The following ZPBP variants were observed in gnomAD, a reference collection of about 807,000 sequenced individuals.
ZPBP encodes zona pellucida binding protein, also known as zona pellucida-binding protein 1.
A neutral mutation model predicts 44.8 loss-of-function variants in ZPBP; 26 were observed. That is an observed-to-expected ratio of 0.58 (90% CI 0.43 to 0.81). ZPBP has a LOEUF of 0.81. ZPBP is among the 30% of genes least tolerant of loss of function. ZPBP has a pLI of 0.00. For missense variants in ZPBP, 409 were observed against 434.0 expected (o/e 0.94, Z 0.51); for synonymous variants, 174 against 153.2 (o/e 1.14, Z -1.00).
At chr7:49,965,023 T>C (rs1442460439) in intron 7 of ZPBP, among the ~76,000 whole-genome samples, 1 of 152,044 alleles carries the variant, frequency 6.6e-6, no homozygotes, top group Non-Finnish European at 1.5e-5. Context: ...ACACCAAGAA[T>C]GACAGGCTGA....
chr7:49,919,532 A>T (rs1442282954), intron 1 of ZPBP: 2 of 152,202 alleles, frequency 1.3e-5, no homozygotes, highest in African/African-American at 4.8e-5. Context: ...ACTCTGCAGT[A>T]TACCCTGGTT....
rs1309646054 is a variant in ZPBP, at chr7:49,856,643, T to A, written n.510-6129A>T. Among the ~76,000 whole-genome samples, 5 of 152,134 alleles carry A rather than the reference T, an allele frequency of 3.3e-5. No homozygotes were observed. The East Asian group carries it at 7.7e-4, about 23-fold the overall frequency. On this transcript the variant is annotated intron_variant and non_coding_transcript_variant, in intron 2 of 2. Transcript: ENST00000465922. ...GAGTTTGGACATAAGTATACCCTCA[T>A]GTTACCATCACCACAGTCCAGGTAA...
intron 6 of ZPBP, among the ~76,000 whole-genome samples, chr7:50,010,325 T>C (rs1905270): frequency 0.79 from 120,550 of 151,894 alleles, 47,956 homozygotes; most frequent in East Asian, 0.87. Flanking sequence ...CACAAATATG[T>C]TCAACTGTAT....
At position 49,893,649 on chromosome 7, in the gene ZPBP, T is replaced by TTA. The variant is rs1554340898; in HGVS notation, n.509+7468_509+7469insTA. On this transcript the variant is annotated intron_variant and non_coding_transcript_variant, in intron 2 of 2. Transcript: ENST00000465922. ...TTAGGAAACCAGTTTTTTTTTTTTT[T>TTA]ATCCTTTTGAGACCAGTACCCTGTG... 4.0e-3 allele frequency among the ~76,000 whole-genome samples: 595 copies of TTA among 149,552 alleles called. 2 individuals carry two copies. Among genetic ancestry groups the TTA allele is most frequent in the Middle Eastern group, 0.014 (4 of 294 alleles).
chr7:49,877,481 A>AAAAATATACATATATATATAT lies in ZPBP; in HGVS notation n.509+23636_509+23637insATATATATATATGTATATTTT. On this transcript the variant is annotated intron_variant and non_coding_transcript_variant, in intron 2 of 2. Transcript: ENST00000465922. ...CTGTCTCAAAAAAAAAAAAAAAAAA[A>AAAAATATACATATATATATAT]ATATATATATATATATATATATATA... Among the ~76,000 whole-genome samples the AAAAATATACATATATATATAT allele has an allele frequency of 1.5e-3, 19 of 12,730 alleles. 2 individuals are homozygous for AAAAATATACATATATATATAT. The highest frequency in any genetic ancestry group is 3.3e-3 in the South Asian group (1 of 302). The allele number at this position is 12,730 out of a possible 152,430, so 8.4% of individuals were successfully genotyped here. A position where few individuals can be genotyped will look rare whatever the true frequency, so the allele number is the denominator to read the frequency against.
chr7:50,080,084 A>T (rs899615297), intron 3 of ZPBP, among the ~76,000 whole-genome samples: 1 of 151,740 alleles, frequency 6.6e-6, no homozygotes, highest in African/African-American at 2.4e-5. Context: ...TTTGGCTCAA[A>T]TCAAGGGAAA....
chr7:50,020,151 T>G (rs2128806570), intron 5 of ZPBP, among the ~76,000 whole-genome samples: 1 of 152,192 alleles, frequency 6.6e-6, no homozygotes, highest in East Asian at 1.9e-4. Context: ...GTACAGCTTT[T>G]GAATGGACTG....
At chr7:50,009,641 G>A (rs940663034) in intron 6 of ZPBP, among the ~76,000 whole-genome samples, 10 of 152,086 alleles carry the variant, frequency 6.6e-5, no homozygotes, top group African/African-American at 1.2e-4. Context: ...AACATCTCAC[G>A]AGTGAGACTT....
In ZPBP at chr7:50,004,581, T is replaced by C. The variant is rs376597432; in HGVS notation, c.783+13659A>G. Among the ~76,000 whole-genome samples, 20 of 152,138 alleles carry C rather than the reference T, an allele frequency of 1.3e-4. 1 individual carries two copies. In the South Asian group the frequency reaches 4.2e-3, roughly 32 times the overall value. On this transcript the variant is annotated intron_variant, in intron 6 of 7. Coordinates refer to ENST00000046087, the MANE Select transcript of ZPBP (RefSeq NM_007009.3). ...GATCTGTCCCTCTGGAAAACCCTAA[T>C]ACAATCTACAAATAGACAGAAATAA...
chr7:50,013,402 T>C (rs2128802344), intron 6 of ZPBP, among the ~76,000 whole-genome samples: 1 of 152,064 alleles, frequency 6.6e-6, no homozygotes, highest in Admixed American at 6.5e-5. Flanking sequence ...TTTTGGCATG[T>C]ACAGAAGTTC....
rs114216144 is a variant in ZPBP, at chr7:50,062,676, C to A, written c.335-4535G>T. ...TTCTACCATATATAAAAAATCAATG[C>A]AAGATGACTTAAAGACTCCTGGAGA... On this transcript the variant is annotated intron_variant, in intron 3 of 7. Coordinates refer to ENST00000046087, the MANE Select transcript of ZPBP (RefSeq NM_007009.3). 5.8e-3 allele frequency among the ~76,000 whole-genome samples: 889 copies of A among 152,182 alleles called. 6 individuals carry two copies. Among genetic ancestry groups the A allele is most frequent in the African/African-American group, 0.02 (830 of 41,496 alleles).
chr7:49,850,348 G>T (rs1316204460), downstream of ZPBP: 1 of 152,158 alleles, frequency 6.6e-6, no homozygotes, highest in African/African-American at 2.4e-5. Context: ...AGTTCCATTG[G>T]TGAGTCCAAG....
At chr7:49,944,039 G>T in intron 7 of ZPBP, 1 of 254,288 alleles carries the variant, frequency 3.9e-6, no homozygotes, top group South Asian at 4.7e-5. Context: ...TCAGTATCAG[G>T]AACGTGCACC....
At chr7:49,856,734 T>G (rs1031125672) in intron 2 of ZPBP, among the ~76,000 whole-genome samples, 1 of 152,110 alleles carries the variant, frequency 6.6e-6, no homozygotes, top group Admixed American at 6.6e-5. Context: ...TCTGTTTGTT[T>G]TGTGCTGTTA....
intron 1 of ZPBP, chr7:49,919,582 T>C (rs1793913855): frequency 6.6e-6 from 1 of 152,180 alleles, no homozygotes; most frequent in Non-Finnish European, 1.5e-5. Context: ...CAAACCCCAA[T>C]TTAATTTAAT....
intron 7 of ZPBP, among the ~76,000 whole-genome samples, chr7:49,981,204 T>C (rs897641360): frequency 4.1e-5 from 5 of 122,072 alleles, no homozygotes; most frequent in African/African-American, 9.0e-5. Flanking sequence ...GTATGTTATA[T>C]ATAATGTAAT....
intron 6 of ZPBP, among the ~76,000 whole-genome samples, chr7:50,005,868 T>TGTGTGTGTGTG (rs1798288887): frequency 1.4e-5 from 2 of 145,604 alleles, no homozygotes; most frequent in African/African-American, 5.0e-5. Flanking sequence ...TGTGTGTGTG[T>TGTGTGTGTGTG]TTTGCCTACA....
At chr7:49,999,211 CAT>C (rs141260312) in intron 6 of ZPBP, among the ~76,000 whole-genome samples, 130 of 144,492 alleles carry the variant, frequency 9.0e-4, no homozygotes, top group Admixed American at 2.1e-3. Flanking sequence ...AATAAGTCTC[CAT>C]ATATATATAT....
At chr7:50,002,045 G>C (rs926982250) in intron 6 of ZPBP, among the ~76,000 whole-genome samples, 1 of 152,096 alleles carries the variant, frequency 6.6e-6, no homozygotes, top group Non-Finnish European at 1.5e-5. Flanking sequence ...ATTTTTTGTA[G>C]AGACAGTGTA....
Sources: allele counts gnomAD v4.1 joint callset (sites outside exome capture counted in the v4.1 genomes callset), GRCh38; gene constraint gnomAD v4.1.1; transcripts MANE v1.5; gene names NCBI Gene and HGNC (gene_info 2026-07-23, HGNC 2026-07-21).